STON1: variants seen among roughly 807,000 people sequenced by gnomAD.
The protein encoded by STON1 is stonin 1.
In STON1, 79 loss-of-function variants were observed where a neutral mutation model predicts 60.9. The observed-to-expected ratio is 1.30, with a 90% CI of 1.08 to 1.56. The LOEUF (loss-of-function observed/expected upper bound fraction) is 1.56, where lower values mean the gene tolerates loss of function less well. STON1 is among the 40% of genes most tolerant of loss of function. STON1 has a pLI of 0.00. For missense variants in STON1, 1,166 were observed against 858.9 expected (o/e 1.36, Z -4.47); for synonymous variants, 363 against 306.9 (o/e 1.18, Z -1.91).
intron 1 of STON1, among the ~76,000 whole-genome samples, chr2:48,564,483 C>CTTCTTCTTCT (rs1672791373): frequency 7.6e-5 from 2 of 26,404 alleles, no homozygotes; most frequent in African/African-American, 1.5e-4. Flanking sequence ...CTTCTTCTTT[C>CTTCTTCTTCT]TTCTTCTTCT....
intron 2 of STON1, 88 bp downstream of exon 2, chr2:48,582,651 A>G (rs1424569761): frequency 2.0e-6 from 3 of 1,508,772 alleles, no homozygotes; most frequent in African/African-American, 2.8e-5. Context: ...AGGTAGAGAC[A>G]GATGGCAATT....
intron 1 of STON1, among the ~76,000 whole-genome samples, chr2:48,545,763 T>A (rs1671840248): frequency 6.6e-6 from 1 of 152,218 alleles, no homozygotes; most frequent in African/African-American, 2.4e-5. Context: ...TCACTTTGTT[T>A]AGGACTTCTC....
At chr2:48,535,470 T>G (rs916800003) in intron 1 of STON1, among the ~76,000 whole-genome samples, 2 of 152,048 alleles carry the variant, frequency 1.3e-5, no homozygotes, top group African/African-American at 4.8e-5. Flanking sequence ...TCCATTCTCT[T>G]TGTGGAAGGT....
intron 2 of STON1, among the ~76,000 whole-genome samples, chr2:48,590,197 A>G (rs988482252): frequency 2.6e-5 from 4 of 152,180 alleles, no homozygotes; most frequent in African/African-American, 9.6e-5. Context: ...GCCTCCAGTG[A>G]TCAGGTTGTT....
In STON1 at chr2:48,596,940, C is replaced by T. The variant is rs1165746118; in HGVS notation, c.*1638C>T. 1.3e-5 allele frequency: 2 copies of T among 152,194 alleles called. No homozygotes were observed. Among genetic ancestry groups the T allele is most frequent in the African/African-American group, 4.8e-5 (2 of 41,418 alleles). The allele number at this position is 152,194 out of a possible 1,614,324, so 9.4% of individuals were successfully genotyped here. ...TCTTGGCTCACTGCAACCTCCGCCT[C>T]CTGGGTTCAAGGGATTCTCCTGCCT... is the stretch of plus-strand genomic sequence containing the variant. On this transcript the variant is annotated 3_prime_UTR_variant, in exon 4 of 4. Coordinates refer to ENST00000404752, the MANE Select transcript of STON1 (RefSeq NM_006873.4).
In STON1 at chr2:48,580,763, C is replaced by G; in HGVS notation, c.130C>G (p.Leu44Val). 6.4e-7 allele frequency: 1 copy of G among 1,554,432 alleles called. No homozygotes were observed. Among genetic ancestry groups the G allele is most frequent in the Non-Finnish European group, 8.7e-7 (1 of 1,151,458 alleles). The change falls in exon 2 of 4, where the codon CTT becomes GTT. Residue 44 changes from leucine to valine, a missense_variant. Physicochemically the swap from Leu to Val is conservative, Grantham distance 32 (BLOSUM62 1). Coordinates refer to ENST00000404752, the MANE Select transcript of STON1 (RefSeq NM_006873.4). The part of the protein sequence containing the change: ...VCRPNGLKLN[L>V]PGLREFPSGS... Reference sequence around the variant, plus strand: ...TAGACCAAATGGACTGAAGCTGAACCTTCCTGGCCTCAGGGAATTTCCCAG... The same window carrying G: ...TAGACCAAATGGACTGAAGCTGAACGTTCCTGGCCTCAGGGAATTTCCCAG...
chr2:48,592,162 T>C (rs1572651046), intron 3 of STON1, among the ~76,000 whole-genome samples: 1 of 152,202 alleles, frequency 6.6e-6, no homozygotes, highest in Non-Finnish European at 1.5e-5. Flanking sequence ...TCTCAAAATA[T>C]GTGCTGCAGA....
intron 3 of STON1, among the ~76,000 whole-genome samples, chr2:48,593,031 C>T (rs1308504996): frequency 1.3e-5 from 2 of 152,290 alleles, no homozygotes; most frequent in South Asian, 2.1e-4. Context: ...TTCTTATCCT[C>T]AAGTTTAGTA....
intron 2 of STON1, among the ~76,000 whole-genome samples, chr2:48,585,451 G>T (rs1166924253): frequency 6.6e-6 from 1 of 151,948 alleles, no homozygotes; most frequent in Non-Finnish European, 1.5e-5. Context: ...GTTTCACCAT[G>T]TTGGCCAGGC....
chr2:48,534,729 G>T (rs1399791593), intron 1 of STON1, among the ~76,000 whole-genome samples: 2 of 152,098 alleles, frequency 1.3e-5, no homozygotes, highest in Non-Finnish European at 2.9e-5. Context: ...GCTTCAGTGA[G>T]CTATGTCACG....
chr2:48,576,185 C>CTTTTTTT (rs34849002), intron 1 of STON1, among the ~76,000 whole-genome samples: 2,142 of 63,148 alleles, frequency 0.034, 109 homozygotes, highest in East Asian at 0.052. Flanking sequence ...GTTTTCCTTT[C>CTTTTTTT]TTTTTTTTTT....
chr2:48,580,990 A>G lies in STON1; in HGVS notation c.357A>G (p.Gly119=). The change falls in exon 2 of 4, where the codon GGA becomes GGG. Residue 119 remains glycine, a synonymous_variant. Transcript: ENST00000404752. Reference sequence around the variant, plus strand: ...ACAGCCCACTCGCAATATCAGGAGGAGAATCTTCCTTACTGCCTACCAGAC... The same window carrying G: ...ACAGCCCACTCGCAATATCAGGAGGGGAATCTTCCTTACTGCCTACCAGAC... ...SSDSPLAISG[G]ESSLLPTRPT... The G allele has an allele frequency of 6.4e-7, 1 of 1,574,426 alleles. No individual in the cohort carries two copies. The highest frequency in any genetic ancestry group is 8.6e-7 in the Non-Finnish European group (1 of 1,163,442).
intron 1 of STON1, among the ~76,000 whole-genome samples, chr2:48,555,632 T>G: frequency 3.0e-5 from 1 of 33,502 alleles, no homozygotes; most frequent in South Asian, 2.4e-3. Context: ...ATGGGGCGGC[T>G]GGCCGGGCGG....
At chr2:48,533,989 G>A (rs919599234) in intron 1 of STON1, among the ~76,000 whole-genome samples, 50 of 151,888 alleles carry the variant, frequency 3.3e-4, no homozygotes, top group Non-Finnish European at 8.8e-5. Flanking sequence ...GGCTGGTTTC[G>A]AACTCCTGAT....
chr2:48,537,774 C>T lies in STON1; in HGVS notation c.-48+7558C>T, dbSNP rs573131669. ...CTGAGGCACGAAAATCACTTGAACC[C>T]GGGAGGTGGAGATTGCAGTGTGCTG... On this transcript the variant is annotated intron_variant, in intron 1 of 3. Transcript: ENST00000404752. Among the ~76,000 whole-genome samples, 14 of 148,976 alleles carry T rather than the reference C, an allele frequency of 9.4e-5. No homozygotes were observed. The South Asian group carries it at 1.9e-3, about 20-fold the overall frequency.
intron 1 of STON1, among the ~76,000 whole-genome samples, chr2:48,552,393 G>T (rs1171678774): frequency 6.6e-6 from 1 of 152,152 alleles, no homozygotes; most frequent in Non-Finnish European, 1.5e-5. Context: ...TTTTAGTTTG[G>T]AAAGATGAAA....
chr2:48,552,254 C>A (rs1470080860), intron 1 of STON1, among the ~76,000 whole-genome samples: 1 of 152,158 alleles, frequency 6.6e-6, no homozygotes, highest in African/African-American at 2.4e-5. Context: ...CACAAGAGGA[C>A]ACATACTGTA....
intron 1 of STON1, among the ~76,000 whole-genome samples, chr2:48,568,420 T>C (rs1460094887): frequency 2.0e-5 from 3 of 152,108 alleles, no homozygotes; most frequent in Admixed American, 1.3e-4. Context: ...TACATTTTAT[T>C]TGAGTGGTTT....
intron 1 of STON1, among the ~76,000 whole-genome samples, chr2:48,544,101 A>T (rs563894007): frequency 5.9e-5 from 9 of 152,218 alleles, no homozygotes; most frequent in Non-Finnish European, 1.3e-4. Context: ...TTGGCTCAGA[A>T]CATGTTGCTT....
Sources: allele counts gnomAD v4.1 joint callset (sites outside exome capture counted in the v4.1 genomes callset), GRCh38; gene constraint gnomAD v4.1.1; transcripts MANE v1.5; gene names NCBI Gene and HGNC (gene_info 2026-07-23, HGNC 2026-07-21).